PLOD1: variants seen among roughly 807,000 people sequenced by gnomAD.
PLOD1 encodes procollagen-lysine,2-oxoglutarate 5-dioxygenase 1.
Under a neutral mutation model 94.7 loss-of-function variants are expected in PLOD1, and 70 were observed. The ratio of observed to expected loss-of-function variants is 0.74; its 90% CI spans 0.61 to 0.90. The LOEUF (loss-of-function observed/expected upper bound fraction) is 0.90. Among genes scored for constraint, PLOD1 ranks in the 40% least tolerant of loss-of-function variants. The pLI is 0.00. For synonymous variants in PLOD1, 417 were observed against 400.2 expected (o/e 1.04, Z -0.50); for missense variants, 905 against 972.7 (o/e 0.93, Z 0.93).
intron 16 of PLOD1, among the ~76,000 whole-genome samples, chr1:11,967,688 G>C (rs1457917913): frequency 7.6e-6 from 1 of 131,944 alleles, no homozygotes; most frequent in Non-Finnish European, 1.6e-5. Context: ...ACGGGGTCTG[G>C]CTGTGTTGCC....
intron 3 of PLOD1, 106 bp downstream of exon 3, chr1:11,950,012 G>A: frequency 8.3e-7 from 1 of 1,201,372 alleles, no homozygotes; most frequent in Non-Finnish European, 1.2e-6. Context: ...GACCACTCTA[G>A]CTAAGGTTGC....
At chr1:11,947,560 ACT>A (rs1645664891) in intron 1 of PLOD1, among the ~76,000 whole-genome samples, 1 of 151,918 alleles carries the variant, frequency 6.6e-6, no homozygotes, top group East Asian at 1.9e-4. Context: ...ACAGAGTGAG[ACT>A]CTGTCTCAAA....
chr1:11,958,767 T>C lies in PLOD1; in HGVS notation c.975+120T>C, dbSNP rs1645757787. On this transcript the variant is annotated intron_variant, in intron 9 of 18. Transcript: ENST00000196061. The surrounding 1 kb of genome is among the most constrained non-coding windows in gnomAD (Gnocchi z 4.3). ...CTAGCTTATCTGGGCCAAATGACAA[T>C]CACCAGTGGACTGTGTCCCCAAATC... 1 of 1,164,060 alleles carries C rather than the reference T, an allele frequency of 8.6e-7. No homozygotes were observed. The highest frequency in any genetic ancestry group is 1.5e-5 in the African/African-American group (1 of 65,896). 72.1% of individuals were successfully genotyped at this position (1,164,060 alleles called of 1,614,324 possible). A position where few individuals can be genotyped will look rare whatever the true frequency, so the allele number is the denominator to read the frequency against.
In PLOD1 at chr1:11,948,064, C is replaced by G. The variant is rs1645669298; in HGVS notation, c.165C>G (p.Ile55Met). The change falls in exon 2 of 19, where the codon ATC (isoleucine) becomes ATG (methionine). Residue 55 changes from isoleucine to methionine, a missense_variant. Physicochemically the swap from Ile to Met is conservative, Grantham distance 10. Transcript: ENST00000196061. Reference sequence around the variant, plus strand: ...CAGCTCAGTTCTTCAACTACAAGATCCAGGTAAGGGGTTTCCTGGGTGAGG... The same window carrying G: ...CAGCTCAGTTCTTCAACTACAAGATGCAGGTAAGGGGTTTCCTGGGTGAGG... ...KRSAQFFNYK[I>M]QALGLGEDWN... 2 of 1,610,630 alleles carry G rather than the reference C, an allele frequency of 1.2e-6. No homozygotes were observed. The highest frequency in any genetic ancestry group is 1.7e-6 in the Non-Finnish European group (2 of 1,176,824).
At chr1:11,947,395 C>T (rs1645663550) in intron 1 of PLOD1, among the ~76,000 whole-genome samples, 1 of 152,132 alleles carries the variant, frequency 6.6e-6, no homozygotes, top group African/African-American at 2.4e-5. Context: ...CGTGGCAAAG[C>T]CCCGTGTCTA....
At chr1:11,964,607 G>A in intron 12 of PLOD1, 37 bp from the exon 13 acceptor site, 1 of 1,575,936 alleles carries the variant, frequency 6.3e-7, no homozygotes, top group Non-Finnish European at 8.6e-7. Flanking sequence ...CCCACCACCA[G>A]CCTCTGACCC....
At chr1:11,949,193 A>G (rs1214980152) in intron 2 of PLOD1, among the ~76,000 whole-genome samples, 4 of 152,086 alleles carry the variant, frequency 2.6e-5, no homozygotes, top group African/African-American at 9.7e-5. Context: ...AGGCCTGCAG[A>G]CTGTTCTGTT....
intron 5 of PLOD1, among the ~76,000 whole-genome samples, chr1:11,953,569 A>C (rs966679230): frequency 6.6e-6 from 1 of 151,618 alleles, no homozygotes; most frequent in Non-Finnish European, 1.5e-5. Context: ...AAGCGGGTGG[A>C]TCACCTGAGG....
Position 11,934,748 on chromosome 1 carries a change from C to T in PLOD1, c.-32C>T. The T allele has an allele frequency of 3.9e-6, 6 of 1,521,768 alleles. No homozygotes were observed. Among genetic ancestry groups the T allele is most frequent in the South Asian group, 1.2e-5 (1 of 82,018 alleles). 94.3% of individuals were successfully genotyped at this position (1,521,768 alleles called of 1,614,324 possible). A position where few individuals can be genotyped will look rare whatever the true frequency, so the allele number is the denominator to read the frequency against. ...AAGTTTCCAGCCCTGCGAGCGCCGC[C>T]GGGTCGGCCGATCGTCCCCCATACC... On this transcript the variant is annotated 5_prime_UTR_variant, in exon 1 of 19. Transcript: ENST00000196061.
At chr1:11,967,739 TTTAA>T (rs202048268) in intron 16 of PLOD1, among the ~76,000 whole-genome samples, 59 of 147,682 alleles carry the variant, frequency 4.0e-4, no homozygotes, top group South Asian at 2.1e-4. Flanking sequence ...TTTTATTTAT[TTTAA>T]TTAATTAATT....
In PLOD1 at chr1:11,952,745, A is replaced by G. The variant is rs538255620; in HGVS notation, c.579+10A>G. On this transcript the variant is annotated intron_variant, in intron 5 of 18. Transcript: ENST00000196061. ...GGACCCGGAGAAGAGGGTAAGAGGCAGTGGGCGGGCCAAGGAGAGGGGGCT... is the reference window on the plus strand; with the variant it reads ...GGACCCGGAGAAGAGGGTAAGAGGCGGTGGGCGGGCCAAGGAGAGGGGGCT... 47 of 1,592,846 alleles carry G rather than the reference A, an allele frequency of 3.0e-5. No homozygotes were observed. In the African/African-American group the frequency reaches 6.0e-4, roughly 20 times the overall value.
At chr1:11,965,959 A>G (rs1432901604) in intron 14 of PLOD1, among the ~76,000 whole-genome samples, 1 of 152,146 alleles carries the variant, frequency 6.6e-6, no homozygotes, top group Non-Finnish European at 1.5e-5. Flanking sequence ...TCAGAAGGGG[A>G]GACAGTTGTA....
chr1:11,947,851 T>G (rs1645667321), intron 1 of PLOD1, 125 bp from the exon 2 acceptor site: 1 of 723,960 alleles, frequency 1.4e-6, no homozygotes, highest in African/African-American at 1.7e-5. Flanking sequence ...TGGGCCCTGT[T>G]CTGTAATGGG....
At chr1:11,947,888 A>T in intron 1 of PLOD1, 88 bp from the exon 2 acceptor site, 3 of 856,880 alleles carry the variant, frequency 3.5e-6, no homozygotes, top group Non-Finnish European at 6.1e-6. Flanking sequence ...TCCTGCCAGA[A>T]TTTGACAGGT....
intron 18 of PLOD1, among the ~76,000 whole-genome samples, chr1:11,973,945 C>A (rs1487231023): frequency 6.6e-6 from 1 of 152,174 alleles, no homozygotes; most frequent in African/African-American, 2.4e-5. Flanking sequence ...CTACTGGCAT[C>A]TAGTGGGTAG....
intron 1 of PLOD1, among the ~76,000 whole-genome samples, chr1:11,935,548 G>T (rs1381614128): frequency 6.6e-6 from 1 of 151,408 alleles, no homozygotes; most frequent in Non-Finnish European, 1.5e-5. Flanking sequence ...TTGAGACAGA[G>T]TCTTGCTCTG....
intron 9 of PLOD1, among the ~76,000 whole-genome samples, chr1:11,959,153 C>T (rs938178145): frequency 4.6e-5 from 7 of 151,330 alleles, no homozygotes; most frequent in South Asian, 2.1e-4. Context: ...TGCAGTGAGC[C>T]GAGATTGCGC....
In PLOD1 at chr1:11,956,623, C is replaced by T. The variant is rs1206272273; in HGVS notation, c.644-294C>T. ...TTCCAGGTCTTCGTTCTTCTCCCAG[C>T]CCCTGCTTCTGACTGTAAGTAACCA... is the stretch of plus-strand genomic sequence containing the variant. On this transcript the variant is annotated intron_variant, in intron 6 of 18. Coordinates refer to ENST00000196061, the MANE Select transcript of PLOD1 (RefSeq NM_000302.4). Among the ~76,000 whole-genome samples, 8 of 152,250 alleles carry T rather than the reference C, an allele frequency of 5.3e-5. 1 individual carries two copies. The Middle Eastern group carries it at 0.01, about 194-fold the overall frequency.
intron 5 of PLOD1, chr1:11,954,310 CAAAAA>C (rs754503001): frequency 0.016 from 2,532 of 160,060 alleles, 2 homozygotes; most frequent in African/African-American, 0.026. Context: ...CCATCTCTAG[CAAAAA>C]AAAAAAAAAA....
Sources: gnomAD v4.1 joint callset for allele counts (sites outside exome capture counted in the v4.1 genomes callset) on GRCh38, gnomAD v4.1.1 for gene constraint, Gnocchi (gnomAD v3.1) non-coding constraint, MANE v1.5 for transcripts, NCBI Gene and HGNC (gene_info 2026-07-23, HGNC 2026-07-21) for gene names.